Variants in MYO9A observed in about 807,000 individuals in gnomAD.
The protein encoded by MYO9A is myosin IXA, also known as unconventional myosin-IXa.
MYO9A carries 103 observed loss-of-function variants against 293.3 expected under a neutral mutation model. The ratio of observed to expected loss-of-function variants is 0.35; its 90% CI spans 0.30 to 0.41. MYO9A has a LOEUF of 0.41. MYO9A is among the 10% of genes least tolerant of loss of function. The pLI is 1.00. For synonymous variants in MYO9A, 1,001 were observed against 1,035.7 expected (o/e 0.97, Z 0.64); for missense variants, 2,685 against 3,033.0 (o/e 0.89, Z 2.69).
intron 10 of MYO9A, among the ~76,000 whole-genome samples, chr15:71,991,638 C>T (rs1345654933): frequency 1.3e-5 from 2 of 152,158 alleles, no homozygotes; most frequent in Non-Finnish European, 2.9e-5. Flanking sequence ...GAGGACAATG[C>T]AATTTTTCCT....
chr15:71,997,183 A>T (rs1008424917), intron 9 of MYO9A, among the ~76,000 whole-genome samples: 6 of 152,126 alleles, frequency 3.9e-5, no homozygotes, highest in Non-Finnish European at 5.9e-5. Flanking sequence ...TTTTTTCTTA[A>T]AACACTTTAA....
intron 8 of MYO9A, among the ~76,000 whole-genome samples, chr15:72,006,492 A>AATCTATAT (rs1384154675): frequency 6.6e-6 from 1 of 152,182 alleles, no homozygotes; most frequent in Admixed American, 6.5e-5. Context: ...GGAAAGGGCA[A>AATCTATAT]ATCTATATAT....
intron 7 of MYO9A, among the ~76,000 whole-genome samples, chr15:72,008,202 CCT>C (rs1298171093): frequency 6.6e-6 from 1 of 152,112 alleles, no homozygotes. Flanking sequence ...TCTGCTATTG[CCT>C]GAATTTGTCA....
chr15:71,951,987 C>T (rs975638870), intron 14 of MYO9A, 91 bp from the exon 15 acceptor site: 3 of 1,367,736 alleles, frequency 2.2e-6, no homozygotes, highest in Non-Finnish European at 2.9e-6. Context: ...AAGGACAATG[C>T]TGCCAACTAT....
chr15:71,925,592 CATTTTA>C (rs2058290134), intron 18 of MYO9A, among the ~76,000 whole-genome samples: 1 of 151,572 alleles, frequency 6.6e-6, no homozygotes, highest in African/African-American at 2.4e-5. Flanking sequence ...ATGGGGCTTA[CATTTTA>C]AAATCTTGTA....
chr15:71,899,161 A>G (rs1231354792), intron 24 of MYO9A, 129 bp from the exon 25 acceptor site: 18 of 829,884 alleles, frequency 2.2e-5, no homozygotes. Context: ...TTCTTCTTAA[A>G]CTAACTTGAA....
At position 72,095,725 on chromosome 15, in the gene MYO9A, T is replaced by C. The variant is rs1240915717; in HGVS notation, c.-72+21955A>G. ...TCCTGCTAGGGGCTAAGGCAGCTAA[T>C]GACTAAGCTGAAACCAATGCTCATT... On this transcript the variant is annotated intron_variant, in intron 1 of 41. Transcript: ENST00000356056. Among the ~76,000 whole-genome samples the C allele has an allele frequency of 3.3e-5, 3 of 92,296 alleles. 1 individual carries two copies. The highest frequency in any genetic ancestry group is 2.4e-4 in the Admixed American group (2 of 8,466). 60.5% of individuals were successfully genotyped at this position (92,296 alleles called of 152,430 possible).
chr15:72,018,992 G>A, intron 6 of MYO9A, 47 bp downstream of exon 6: 1 of 1,491,164 alleles, frequency 6.7e-7, no homozygotes, highest in Non-Finnish European at 9.4e-7. Context: ...TGCGCAATGT[G>A]AGGACCCTTT....
At chr15:72,054,791 G>A (rs2078673781) in intron 1 of MYO9A, among the ~76,000 whole-genome samples, 1 of 150,202 alleles carries the variant, frequency 6.7e-6, no homozygotes. Flanking sequence ...CAAGGAAGCA[G>A]AAACTAAAAA....
At position 71,968,078 on chromosome 15, in the gene MYO9A, T is replaced by C. The variant is rs1039682135; in HGVS notation, c.1892A>G (p.Gln631Arg). 1.2e-6 allele frequency: 2 copies of C among 1,611,748 alleles called. No homozygotes were observed. Among genetic ancestry groups the C allele is most frequent in the African/African-American group, 2.7e-5 (2 of 74,870 alleles). The change falls in exon 13 of 42, where the codon CAA (glutamine) becomes CGA (arginine). Residue 631 changes from glutamine (Q) to arginine (R), a missense_variant. Gln to Arg is a conservative substitution (Grantham distance 43). Transcript: ENST00000356056. ...TTCGATGTAAGAATTATCTTCATGT[T>C]GATGCTTAAACTTGTCTAGCAATGT... ...NQTLLDKFKH[Q>R]HEDNSYIEFP...
At chr15:72,032,471 G>A (rs761617139) in intron 3 of MYO9A, 23 bp downstream of exon 3, 17 of 1,448,642 alleles carry the variant, frequency 1.2e-5, no homozygotes, top group East Asian at 2.4e-5. Context: ...CAAAGCCTAC[G>A]CCTGCTAAGT....
chr15:72,001,005 T>C (rs1257722357), intron 8 of MYO9A, among the ~76,000 whole-genome samples: 1 of 152,150 alleles, frequency 6.6e-6, no homozygotes, highest in Non-Finnish European at 1.5e-5. Flanking sequence ...GGTTAGAGCA[T>C]ACATATTTTC....
At chr15:71,915,663 T>TA (rs2057989090) in intron 19 of MYO9A, among the ~76,000 whole-genome samples, 1 of 152,114 alleles carries the variant, frequency 6.6e-6, no homozygotes, top group Non-Finnish European at 1.5e-5. Flanking sequence ...CATATACAGA[T>TA]ACACCTATCA....
At chr15:71,973,165 T>C (rs1488289064) in intron 12 of MYO9A, among the ~76,000 whole-genome samples, 12 of 152,126 alleles carry the variant, frequency 7.9e-5, no homozygotes, top group Admixed American at 3.9e-4. Flanking sequence ...GGCAACAAAG[T>C]ACCTCTGAGA....
chr15:72,083,113 A>T (rs964841184), intron 1 of MYO9A, among the ~76,000 whole-genome samples: 1 of 152,148 alleles, frequency 6.6e-6, no homozygotes, highest in East Asian at 1.9e-4. Context: ...TCTTCTTTGT[A>T]TATCTGGTAG....
chr15:72,110,322 G>A (rs12908863), intron 1 of MYO9A, among the ~76,000 whole-genome samples: 2,100 of 151,242 alleles, frequency 0.014, 21 homozygotes, highest in East Asian at 0.025. Flanking sequence ...TGTAATCCCA[G>A]CTACTTGGGA....
intron 1 of MYO9A, among the ~76,000 whole-genome samples, chr15:72,114,939 C>T (rs1373714629): frequency 6.6e-6 from 1 of 152,124 alleles, no homozygotes; most frequent in African/African-American, 2.4e-5. Context: ...AAAGACTGAA[C>T]AAACTTCCAC....
At chr15:72,053,271 T>A (rs970027357) in intron 1 of MYO9A, among the ~76,000 whole-genome samples, 2 of 150,994 alleles carry the variant, frequency 1.3e-5, no homozygotes, top group African/African-American at 4.9e-5. Flanking sequence ...CCAAGCAGGG[T>A]GCTGCGTGCC....
intron 11 of MYO9A, among the ~76,000 whole-genome samples, chr15:71,990,430 A>G (rs1320607588): frequency 6.6e-6 from 1 of 152,048 alleles, no homozygotes; most frequent in Non-Finnish European, 1.5e-5. Context: ...ATCTGCTTAC[A>G]ATGATATGTG....
Sources: gnomAD v4.1 joint callset for allele counts (sites outside exome capture counted in the v4.1 genomes callset) on GRCh38, gnomAD v4.1.1 for gene constraint, MANE v1.5 for transcripts, NCBI Gene and HGNC (gene_info 2026-07-23, HGNC 2026-07-21) for gene names.